Variants in ZNF197 observed in about 807,000 individuals in gnomAD.
ZNF197 encodes VHL-associated KRAB-A domain-containing protein.
In ZNF197, 14 loss-of-function variants were observed where a neutral mutation model predicts 27.4. That is an observed-to-expected ratio of 0.51 (90% CI 0.34 to 0.80). ZNF197 has a LOEUF of 0.80. Among genes scored for constraint, ZNF197 ranks in the 30% least tolerant of loss-of-function variants. ZNF197 has a pLI of 0.02. For missense variants in ZNF197, 1,090 were observed against 1,222.6 expected (o/e 0.89, Z 1.62); for synonymous variants, 415 against 420.0 (o/e 0.99, Z 0.15).
At position 44,646,790 on chromosome 3, in the gene ZNF197, T is replaced by G; in HGVS notation, c.*2570T>G. 1 of 388,842 alleles carries G rather than the reference T, an allele frequency of 2.6e-6. No homozygotes were observed. Among genetic ancestry groups the G allele is most frequent in the Non-Finnish European group, 4.7e-6 (1 of 214,794 alleles). 24.1% of individuals were successfully genotyped at this position (388,842 alleles called of 1,614,324 possible). A position where few individuals can be genotyped will look rare whatever the true frequency, so the allele number is the denominator to read the frequency against. ...GCCGTTAGGTACTAAGAACCAGAAA[T>G]AGACTCACATAAATGGCCAATTGAT... On this transcript the variant is annotated 3_prime_UTR_variant, in exon 6 of 6. Transcript: ENST00000344387.
At position 44,642,706 on chromosome 3, in the gene ZNF197, A is replaced by G. The variant is rs753102957; in HGVS notation, c.1576A>G (p.Ile526Val). ...AGCTTTCATTCTGAAGAAGAGCCTCATTCTGCACCAGAGAATCCACTCTGG... is the reference window on the plus strand; with the variant it reads ...AGCTTTCATTCTGAAGAAGAGCCTCGTTCTGCACCAGAGAATCCACTCTGG... Reference protein sequence around the residue: ...QKAFILKKSLILHQRIHSGEK... With the variant: ...QKAFILKKSLVLHQRIHSGEK... Residue 526 changes from isoleucine (I) to valine (V), a missense_variant, in exon 6 of 6, where the codon ATT (isoleucine) becomes GTT (valine). Ile to Val is a conservative substitution (Grantham distance 29). Transcript: ENST00000344387. 6.2e-6 allele frequency: 10 copies of G among 1,613,848 alleles called. No individual in the cohort carries two copies. In the South Asian group the frequency reaches 1.1e-4, roughly 18 times the overall value.
Position 44,644,226 on chromosome 3 carries a change from T to C in ZNF197, c.*6T>C. 3 of 1,572,332 alleles carry C rather than the reference T, an allele frequency of 1.9e-6. No individual in the cohort carries two copies. Among genetic ancestry groups the C allele is most frequent in the Non-Finnish European group, 2.6e-6 (3 of 1,163,556 alleles). On this transcript the variant is annotated 3_prime_UTR_variant, in exon 6 of 6. Coordinates refer to ENST00000344387, the MANE Select transcript of ZNF197 (RefSeq NM_006991.5). Reference sequence around the variant, plus strand: ...TTGAGATTCAGAAAATCTAGTGTCATATGTAAAATGGAATAGAATCCCTGC... The same window carrying C: ...TTGAGATTCAGAAAATCTAGTGTCACATGTAAAATGGAATAGAATCCCTGC...
At position 44,640,114 on chromosome 3, in the gene ZNF197, A is replaced by G. The variant is rs937802092; in HGVS notation, c.770-1786A>G. On this transcript the variant is annotated intron_variant, in intron 5 of 5. Transcript: ENST00000344387. The surrounding 1 kb of genome is among the most constrained non-coding windows in gnomAD (Gnocchi z 4.0). ...GCTTCATTCACCAAAGGTTATGGAA[A>G]GTAACCAGCTCCCTCTGTCATTCTG... is the stretch of plus-strand genomic sequence containing the variant. 6.6e-6 allele frequency among the ~76,000 whole-genome samples: 1 copy of G among 152,220 alleles called. No homozygotes were observed. The highest frequency in any genetic ancestry group is 6.5e-5 in the Admixed American group (1 of 15,282).
intron 5 of ZNF197, among the ~76,000 whole-genome samples, chr3:44,633,562 GA>G (rs776619844): frequency 2.6e-5 from 4 of 152,204 alleles, no homozygotes; most frequent in African/African-American, 4.8e-5. Flanking sequence ...TCTCTTTGGA[GA>G]AATCAACGTT....
At chr3:44,637,613 T>C (rs1024131426) in intron 5 of ZNF197, among the ~76,000 whole-genome samples, 2 of 152,202 alleles carry the variant, frequency 1.3e-5, no homozygotes, top group African/African-American at 4.8e-5. Context: ...TTTCGGTCTT[T>C]TATCCATTTT....
rs541692939 is a variant in ZNF197 at position 44,631,334 on chromosome 3, T to G, written c.550+113T>G. The G allele has an allele frequency of 7.6e-6, 10 of 1,323,288 alleles. No homozygotes were observed. The East Asian group carries it at 2.3e-4, about 31-fold the overall frequency. The allele number at this position is 1,323,288 out of a possible 1,614,324, so 82.0% of individuals were successfully genotyped here. On this transcript the variant is annotated intron_variant, in intron 3 of 5. Coordinates refer to ENST00000344387, the MANE Select transcript of ZNF197 (RefSeq NM_006991.5). The stretch of plus-strand genomic sequence containing the variant: ...TACCCTGTCTAGGAGTCTCTTACAG[T>G]GCCAATTTCTTTCTGCTGTTCTGTT...
At chr3:44,639,386 G>T (rs1702474846) in intron 5 of ZNF197, among the ~76,000 whole-genome samples, 1 of 151,888 alleles carries the variant, frequency 6.6e-6, no homozygotes, top group South Asian at 2.1e-4. Flanking sequence ...GTGAAGAAAT[G>T]GTATTCTTTT....
At chr3:44,634,107 C>T (rs527471519) in intron 5 of ZNF197, among the ~76,000 whole-genome samples, 1 of 152,236 alleles carries the variant, frequency 6.6e-6, no homozygotes, top group East Asian at 1.9e-4. Flanking sequence ...AGCCAATTTT[C>T]CCTGGATATG....
At position 44,625,553 on chromosome 3, in the gene ZNF197, G is replaced by T. The variant is rs578014196; in HGVS notation, c.-82+410G>T. 8.6e-5 allele frequency among the ~76,000 whole-genome samples: 13 copies of T among 152,030 alleles called. No homozygotes were observed. The East Asian group carries it at 2.5e-3, about 29-fold the overall frequency. On this transcript the variant is annotated intron_variant, in intron 1 of 5. Transcript: ENST00000344387. ...CAGACTCTTGAGGACGGATTTTTTT[G>T]TTTGTTTGTTTTAAGGGGTGGAACG...
intron 5 of ZNF197, among the ~76,000 whole-genome samples, chr3:44,634,596 T>A (rs1489080640): frequency 6.6e-6 from 1 of 151,978 alleles, no homozygotes; most frequent in Non-Finnish European, 1.5e-5. Flanking sequence ...ACTACAGGCA[T>A]GCACCACCAG....
intron 5 of ZNF197, among the ~76,000 whole-genome samples, chr3:44,635,402 A>C (rs932675283): frequency 1.3e-5 from 2 of 152,218 alleles, no homozygotes; most frequent in African/African-American, 4.8e-5. Flanking sequence ...ATGTCTAAAA[A>C]TAGTCCCAGG....
intron 3 of ZNF197, 102 bp from the exon 4 acceptor site, chr3:44,632,003 G>A: frequency 9.4e-7 from 1 of 1,068,568 alleles, no homozygotes; most frequent in South Asian, 1.3e-5. Flanking sequence ...GCCCTGCCTT[G>A]TATCATTCTT....
chr3:44,629,445 G>A lies in ZNF197; in HGVS notation c.291G>A (p.Glu97=), dbSNP rs1438911637. Residue 97 remains glutamate (E), a synonymous_variant, in exon 2 of 6, where the codon GAG becomes GAA. Transcript: ENST00000344387. The part of the protein sequence containing the change: ...LEQFLSILPG[E]IRTWVQLHHP... ...AGTTTCTGAGCATCCTGCCTGGGGAGATTCGGACCTGGGTACAGCTCCATC... is the reference window on the plus strand; with the variant it reads ...AGTTTCTGAGCATCCTGCCTGGGGAAATTCGGACCTGGGTACAGCTCCATC... 4 of 1,614,076 alleles carry A rather than the reference G, an allele frequency of 2.5e-6. No homozygotes were observed. The highest frequency in any genetic ancestry group is 3.4e-6 in the Non-Finnish European group (4 of 1,179,966).
At chr3:44,629,660 C>G (rs955914567) in intron 2 of ZNF197, 116 bp downstream of exon 2, 5 of 1,278,166 alleles carry the variant, frequency 3.9e-6, no homozygotes, top group Admixed American at 6.2e-5. Flanking sequence ...TAATAGCACA[C>G]TAGCAACCTT....
intron 1 of ZNF197, among the ~76,000 whole-genome samples, chr3:44,627,532 A>G (rs559725763): frequency 1.3e-5 from 2 of 152,186 alleles, no homozygotes; most frequent in South Asian, 4.2e-4. Context: ...TAAAAGCCCA[A>G]TCCAAAAGTA....
intron 5 of ZNF197, among the ~76,000 whole-genome samples, chr3:44,635,478 GT>G (rs766806478): frequency 1.3e-5 from 2 of 152,156 alleles, no homozygotes; most frequent in Non-Finnish European, 2.9e-5. Flanking sequence ...GCAGAACATG[GT>G]GTTTTGACCT....
At chr3:44,634,607 G>A (rs1035992976) in intron 5 of ZNF197, among the ~76,000 whole-genome samples, 2 of 150,162 alleles carry the variant, frequency 1.3e-5, no homozygotes, top group Admixed American at 6.6e-5. Context: ...GCACCACCAG[G>A]CCCAGCTAAT....
At chr3:44,632,649 T>C (rs1702078665) in intron 5 of ZNF197, 50 bp downstream of exon 5, 2 of 1,404,208 alleles carry the variant, frequency 1.4e-6, no homozygotes, top group Non-Finnish European at 1.9e-6. Flanking sequence ...CCAGCCTTTA[T>C]TTGTTTTCTG....
chr3:44,631,825 C>T (rs62244180), intron 3 of ZNF197, among the ~76,000 whole-genome samples: 124,844 of 151,984 alleles, frequency 0.82, 51,457 homozygotes, highest in Middle Eastern at 0.91. Context: ...CTCAGCCTCC[C>T]GAGTACCTGG....
Sources: allele counts gnomAD v4.1 joint callset (sites outside exome capture counted in the v4.1 genomes callset), GRCh38; gene constraint gnomAD v4.1.1; non-coding constraint Gnocchi (gnomAD v3.1); transcripts MANE v1.5; gene names NCBI Gene and HGNC (gene_info 2026-07-23, HGNC 2026-07-21).